OSBPL9: variants seen among roughly 807,000 people sequenced by gnomAD.
OSBPL9 encodes oxysterol-binding protein-related protein 9.
OSBPL9 carries 40 observed loss-of-function variants against 106.6 expected under a neutral mutation model. That is an observed-to-expected ratio of 0.38 (90% CI 0.29 to 0.49). The LOEUF (loss-of-function observed/expected upper bound fraction) is 0.49. OSBPL9 is among the 20% of genes least tolerant of loss of function. OSBPL9 has a pLI of 0.97. For synonymous variants in OSBPL9, 269 were observed against 295.4 expected (o/e 0.91, Z 0.92); for missense variants, 609 against 887.2 (o/e 0.69, Z 3.98).
chr1:51,519,255 G>A, the OSBPL9 span: 3 of 1,346,376 alleles, frequency 2.2e-6, no homozygotes, highest in East Asian at 2.9e-5. Flanking sequence ...TGCAAGGGAG[G>A]GGAAGGAAGA....
intron 4 of OSBPL9, among the ~76,000 whole-genome samples, chr1:51,717,451 G>A (rs908102308): frequency 6.6e-6 from 1 of 151,968 alleles, no homozygotes; most frequent in East Asian, 1.9e-4. Flanking sequence ...CTCTCATTTT[G>A]ATCTGACCCC....
chr1:51,593,099 T>A (rs538824495), intron 1 of OSBPL9, among the ~76,000 whole-genome samples: 1 of 152,312 alleles, frequency 6.6e-6, no homozygotes, highest in South Asian at 2.1e-4. Flanking sequence ...AGCCAACTCC[T>A]GAACATTTTT....
rs527344528 is a variant in OSBPL9, at chr1:51,772,854, T to C, written c.1170+131T>C. On this transcript the variant is annotated intron_variant, in intron 14 of 23. Transcript: ENST00000428468. ...ACCTGTGTCTTCTTGTGATTTAATATAGATGTAGATAAGTAAACAAAATTT... is the reference window on the plus strand; with the variant it reads ...ACCTGTGTCTTCTTGTGATTTAATACAGATGTAGATAAGTAAACAAAATTT... The C allele has an allele frequency of 1.1e-3, 743 of 705,124 alleles. 3 individuals are homozygous for C. Among genetic ancestry groups the C allele is most frequent in the Non-Finnish European group, 1.2e-3 (459 of 393,996 alleles). The allele number at this position is 705,124 out of a possible 1,614,324, so 43.7% of individuals were successfully genotyped here. A position where few individuals can be genotyped will look rare whatever the true frequency, so the allele number is the denominator to read the frequency against.
chr1:51,607,652 T>C (rs1230078951), intron 2 of OSBPL9, among the ~76,000 whole-genome samples: 1 of 152,200 alleles, frequency 6.6e-6, no homozygotes, highest in East Asian at 1.9e-4. Context: ...TTCCTCCTAA[T>C]CTATTCTCCT....
chr1:51,721,783 C>T (rs1662175899), intron 4 of OSBPL9, among the ~76,000 whole-genome samples: 2 of 152,158 alleles, frequency 1.3e-5, no homozygotes, highest in Non-Finnish European at 2.9e-5. Flanking sequence ...CCTTGAAGTC[C>T]TTTGTCTCCC....
At chr1:51,761,256 T>G (rs998346190) in intron 10 of OSBPL9, among the ~76,000 whole-genome samples, 1 of 111,408 alleles carries the variant, frequency 9.0e-6, no homozygotes, top group Non-Finnish European at 1.7e-5. Context: ...TTTTGTTTTG[T>G]TTTTTTTTTT....
In OSBPL9 at chr1:51,761,977, G is replaced by A. The variant is rs942434123; in HGVS notation, c.778+6G>A. 6.3e-7 allele frequency: 1 copy of A among 1,575,980 alleles called. No homozygotes were observed. Among genetic ancestry groups the A allele is most frequent in the Non-Finnish European group, 8.7e-7 (1 of 1,145,582 alleles). ...TCCTACACCAAATAGTACAGGTACA[G>A]ATTTGCATAATTTCTTTATGTCTCA... is the stretch of plus-strand genomic sequence containing the variant. On this transcript the variant is annotated splice_donor_region_variant and intron_variant, in intron 11 of 23. Coordinates refer to ENST00000428468, the MANE Select transcript of OSBPL9 (RefSeq NM_024586.6).
intron 2 of OSBPL9, among the ~76,000 whole-genome samples, chr1:51,662,251 TG>T (rs1178648332): frequency 6.6e-6 from 1 of 152,080 alleles, no homozygotes; most frequent in Non-Finnish European, 1.5e-5. Context: ...AAAGGGCTGT[TG>T]TTAAAGAGTA....
chr1:51,651,525 C>T (rs1007576226), intron 1 of OSBPL9, among the ~76,000 whole-genome samples: 1 of 152,010 alleles, frequency 6.6e-6, no homozygotes, highest in East Asian at 1.9e-4. Flanking sequence ...ATCGCTTGAA[C>T]CCAGGAGGCG....
At chr1:51,649,986 C>T (rs1380295416) in intron 1 of OSBPL9, among the ~76,000 whole-genome samples, 1 of 151,990 alleles carries the variant, frequency 6.6e-6, no homozygotes, top group Non-Finnish European at 1.5e-5. Context: ...GCAGTCCTCC[C>T]ACCTCTCAGC....
chr1:51,566,664 C>T, the OSBPL9 span: 1 of 152,224 alleles, frequency 6.6e-6, no homozygotes, highest in Admixed American at 6.5e-5. Context: ...ACAAACCTTA[C>T]CACACTCTTT....
rs1400273497 is a variant in OSBPL9, at chr1:51,726,723, TTTTAGGCACTGGTCAC to T, written c.318+12649_318+12664del. Among the ~76,000 whole-genome samples the T allele has an allele frequency of 7.9e-5, 12 of 152,126 alleles. No individual in the cohort carries two copies. In the East Asian group the frequency reaches 2.3e-3, roughly 29 times the overall value. On this transcript the variant is annotated intron_variant, in intron 4 of 23. Transcript: ENST00000428468. ...TTGGAAATCACCTGTCACATATGAG[TTTTAGGCACTGGTCAC>T]TTTATTTTGAAACAGCTTTGGGGTT... is the stretch of plus-strand genomic sequence containing the variant.
chr1:51,646,651 C>T (rs1314462933), intron 1 of OSBPL9, among the ~76,000 whole-genome samples: 1 of 152,148 alleles, frequency 6.6e-6, no homozygotes, highest in Admixed American at 6.5e-5. Context: ...GATTCTCTAG[C>T]CTCAGCCTCC....
chr1:51,648,656 C>A (rs1003833906), intron 1 of OSBPL9, among the ~76,000 whole-genome samples: 23 of 152,176 alleles, frequency 1.5e-4, no homozygotes, highest in Non-Finnish European at 2.9e-5. Flanking sequence ...GCTATTACAG[C>A]TCAGATAAGG....
At chr1:51,770,755 T>C (rs912340812) in intron 12 of OSBPL9, among the ~76,000 whole-genome samples, 2 of 152,202 alleles carry the variant, frequency 1.3e-5, no homozygotes, top group African/African-American at 4.8e-5. Context: ...AATAGGTAAG[T>C]AACCAGGGCA....
At chr1:51,560,810 A>G in the OSBPL9 span, 3 of 152,306 alleles carry the variant, frequency 2.0e-5, no homozygotes, top group African/African-American at 7.2e-5. Context: ...TGGGGCAATC[A>G]CCCCTAACAT....
At chr1:51,730,052 C>T (rs538545038) in intron 4 of OSBPL9, 10 of 1,285,858 alleles carry the variant, frequency 7.8e-6, no homozygotes, top group Non-Finnish European at 8.9e-6. Flanking sequence ...ACCCCTGAGT[C>T]CCCGGGGTCC....
intron 1 of OSBPL9, among the ~76,000 whole-genome samples, chr1:51,590,255 A>G (rs1461985051): frequency 2.0e-5 from 3 of 152,134 alleles, no homozygotes; most frequent in African/African-American, 7.2e-5. Flanking sequence ...AGGCCATTCA[A>G]ATTACTGCAG....
chr1:51,720,944 C>T (rs910990302), intron 4 of OSBPL9, among the ~76,000 whole-genome samples: 8 of 151,692 alleles, frequency 5.3e-5, no homozygotes, highest in East Asian at 1.9e-4. Flanking sequence ...ACTACAGGCA[C>T]GCACCACCAC....
Sources: allele counts gnomAD v4.1 joint callset (sites outside exome capture counted in the v4.1 genomes callset), GRCh38; gene constraint gnomAD v4.1.1; transcripts MANE v1.5; gene names NCBI Gene and HGNC (gene_info 2026-07-23, HGNC 2026-07-21).